FCGR1A: variants seen among roughly 807,000 people sequenced by gnomAD.
FCGR1A encodes the protein Fc gamma receptor Ia.
Under a neutral mutation model 35.0 loss-of-function variants are expected in FCGR1A, and 13 were observed. That is an observed-to-expected ratio of 0.37 (90% CI 0.24 to 0.59). The LOEUF is 0.59. FCGR1A is among the 20% of genes least tolerant of loss of function. The pLI is 0.71. For missense variants in FCGR1A, 227 were observed against 430.0 expected (o/e 0.53, Z 4.17); for synonymous variants, 91 against 164.7 (o/e 0.55, Z 3.43).
Position 149,790,203 on chromosome 1 carries a change from C to G in FCGR1A, c.709C>G (p.Arg237Gly), listed in dbSNP as rs782164774. Residue 237 changes from arginine (R) to glycine (G), a missense_variant, in exon 5 of 6, where the codon CGA becomes GGA. Physicochemically the swap from Arg to Gly is moderately radical, Grantham distance 125. Around this residue, in one of 3 missense-constraint regions of FCGR1A, gnomAD observed 185 missense variants for 306.6 expected, o/e 0.60. Transcript: ENST00000369168. ...FSFYMGSKTL[R>G]GRNTSSEYQI... ...CTTCTACATGGGCAGCAAGACCCTG[C>G]GAGGCAGGAACACATCCTCTGAATA... 1.9e-6 allele frequency: 3 copies of G among 1,613,730 alleles called. No individual in the cohort carries two copies. The highest frequency in any genetic ancestry group is 4.5e-5 in the East Asian group (2 of 44,884).
At chr1:149,799,480 A>G in the FCGR1A span, among the ~76,000 whole-genome samples, 1 of 152,024 alleles carries the variant, frequency 6.6e-6, no homozygotes, top group Non-Finnish European at 1.5e-5. Context: ...CCTGTGAAAT[A>G]TCCTCCTTTT....
Position 149,790,044 on chromosome 1 carries a change from T to G in FCGR1A, c.560-10T>G, listed in dbSNP as rs1226461928. On this transcript the variant is annotated splice_polypyrimidine_tract_variant and intron_variant, in intron 4 of 5. Transcript: ENST00000369168. Reference sequence around the variant, plus strand: ...CAGGCAACCTTGTCCCCCATCAACTTTCTCCTTAGAGCTATTTCCAGCTCC... The same window carrying G: ...CAGGCAACCTTGTCCCCCATCAACTGTCTCCTTAGAGCTATTTCCAGCTCC... 1.2e-6 allele frequency: 2 copies of G among 1,612,960 alleles called. No homozygotes were observed. The highest frequency in any genetic ancestry group is 1.7e-6 in the Non-Finnish European group (2 of 1,179,884).
chr1:149,784,741 A>T (rs2091496132), intron 3 of FCGR1A, among the ~76,000 whole-genome samples: 1 of 149,542 alleles, frequency 6.7e-6, no homozygotes. Flanking sequence ...TATAGTTTTA[A>T]AGCTGTGGGT....
downstream of FCGR1A, chr1:149,792,747 C>A (rs2091743288): frequency 7.8e-7 from 1 of 1,283,950 alleles, no homozygotes; most frequent in Non-Finnish European, 1.0e-6. Flanking sequence ...CCGCCAAAAC[C>A]CAGTGAGAAA....
downstream of FCGR1A, among the ~76,000 whole-genome samples, chr1:149,793,786 C>G (rs1227883172): frequency 2.6e-5 from 4 of 151,826 alleles, no homozygotes; most frequent in African/African-American, 9.7e-5. Flanking sequence ...GCCACAAGAG[C>G]TTCTGTAAGA....
At chr1:149,797,731 C>G in the FCGR1A span, among the ~76,000 whole-genome samples, 1,057 of 152,008 alleles carry the variant, frequency 7.0e-3, 11 homozygotes, top group African/African-American at 0.025. Context: ...CCTAGCAGTT[C>G]GAACTATAGG....
downstream of FCGR1A, chr1:149,792,837 A>G (rs1553752219): frequency 7.8e-7 from 1 of 1,276,644 alleles, no homozygotes; most frequent in Non-Finnish European, 1.0e-6. Context: ...AGGCGGATGG[A>G]AGAGAGCAAG....
rs1553751918 is a variant in FCGR1A, at chr1:149,791,497, G to A, written c.1105G>A (p.Glu369Lys). 1.9e-6 allele frequency: 3 copies of A among 1,609,644 alleles called. No individual in the cohort carries two copies. Among genetic ancestry groups the A allele is most frequent in the East Asian group, 4.5e-5 (2 of 44,774 alleles). ...EQLQEGVHRK[E>K]PQGAT is the part of the protein sequence containing the mutation. ...GCTGCAGGAAGGGGTGCACCGGAAG[G>A]AGCCCCAGGGGGCCACGTAGCAGCG... The change falls in exon 6 of 6, where the codon GAG becomes AAG. Residue 369 changes from glutamate (E) to lysine (K), a missense_variant. Transcript: ENST00000369168.
chr1:149,785,407 C>CCTTTTT (rs1553750700), intron 3 of FCGR1A, among the ~76,000 whole-genome samples: 1,084 of 74,370 alleles, frequency 0.015, 63 homozygotes, highest in Non-Finnish European at 0.025. Context: ...AGAGCTGTTT[C>CCTTTTT]GTTTTTTTTT....
the FCGR1A span, among the ~76,000 whole-genome samples, chr1:149,799,528 A>T: frequency 1.3e-5 from 2 of 152,058 alleles, no homozygotes; most frequent in Admixed American, 6.6e-5. Context: ...TGCATACTAC[A>T]CAATAGTAGG....
In FCGR1A at chr1:149,790,206, G is replaced by A. The variant is rs587746313; in HGVS notation, c.712G>A (p.Gly238Ser). 6.8e-6 allele frequency: 11 copies of A among 1,613,714 alleles called. No homozygotes were observed. Among genetic ancestry groups the A allele is most frequent in the South Asian group, 2.2e-5 (2 of 91,012 alleles). The change falls in exon 5 of 6, where the codon GGC becomes AGC. Residue 238 changes from glycine to serine, a missense_variant. Coordinates refer to ENST00000369168, the MANE Select transcript of FCGR1A (RefSeq NM_000566.4). ...SFYMGSKTLR[G>S]RNTSSEYQIL... Reference sequence around the variant, plus strand: ...CTACATGGGCAGCAAGACCCTGCGAGGCAGGAACACATCCTCTGAATACCA... The same window carrying A: ...CTACATGGGCAGCAAGACCCTGCGAAGCAGGAACACATCCTCTGAATACCA...
intron 4 of FCGR1A, 58 bp from the exon 5 acceptor site, chr1:149,789,996 G>T (rs587728006): frequency 3.1e-6 from 5 of 1,613,200 alleles, no homozygotes; most frequent in Non-Finnish European, 4.2e-6. Flanking sequence ...CATGTCTTTT[G>T]TGAAAAGGAC....
intron 3 of FCGR1A, among the ~76,000 whole-genome samples, chr1:149,785,336 T>A (rs1383319012): frequency 6.6e-6 from 1 of 151,036 alleles, no homozygotes; most frequent in Admixed American, 6.6e-5. Context: ...TTGATGTTCC[T>A]CATGTGTCCC....
intron 3 of FCGR1A, among the ~76,000 whole-genome samples, chr1:149,785,271 T>G (rs2091510653): frequency 6.6e-6 from 1 of 152,146 alleles, no homozygotes; most frequent in South Asian, 2.1e-4. Flanking sequence ...ACATGGTTGC[T>G]GTTAGAGGAA....
chr1:149,791,412 C>A lies in FCGR1A; in HGVS notation c.1020C>A (p.Ser340Arg). The stretch of plus-strand genomic sequence containing the variant: ...GTCATGAGAAGAAGGTAATTTCCAG[C>A]CTTCAAGAAGACAGACATTTAGAAG... ...DSGHEKKVIS[S>R]LQEDRHLEEE... Residue 340 changes from serine to arginine, a missense_variant, in exon 6 of 6, where the codon AGC (serine) becomes AGA (arginine). Physicochemically the swap from Ser to Arg is moderately radical, Grantham distance 110. This residue lies in a region of FCGR1A where 39 missense variants were observed against 101.3 expected (regional missense o/e 0.38). Transcript: ENST00000369168. 1 of 1,601,560 alleles carries A rather than the reference C, an allele frequency of 6.2e-7. No homozygotes were observed. The highest frequency in any genetic ancestry group is 8.5e-7 in the Non-Finnish European group (1 of 1,176,042).
chr1:149,785,324 G>T (rs1342501179), intron 3 of FCGR1A, among the ~76,000 whole-genome samples: 5 of 151,314 alleles, frequency 3.3e-5, no homozygotes, highest in African/African-American at 9.7e-5. Context: ...CTGAGGGAAG[G>T]CTTGATGTTC....
At chr1:149,786,251 T>A (rs587760192) in intron 3 of FCGR1A, 59 of 152,340 alleles carry the variant, frequency 3.9e-4, no homozygotes, top group African/African-American at 1.4e-3. Context: ...GTATCCTTTT[T>A]TGTAAGGTCT....
chr1:149,793,472 G>C (rs1278594160), downstream of FCGR1A, among the ~76,000 whole-genome samples: 1 of 152,176 alleles, frequency 6.6e-6, no homozygotes, highest in Admixed American at 6.5e-5. Flanking sequence ...TCCTATCACG[G>C]ATGAAAAGAT....
chr1:149,790,974 G>C (rs1219172834), intron 5 of FCGR1A, among the ~76,000 whole-genome samples: 1 of 151,502 alleles, frequency 6.6e-6, no homozygotes, highest in Non-Finnish European at 1.5e-5. Context: ...AAATGGCACA[G>C]AGATATCAGT....
Sources: gnomAD v4.1 joint callset for allele counts (sites outside exome capture counted in the v4.1 genomes callset) on GRCh38, gnomAD v4.1.1 for gene constraint, gnomAD v4.1.1 regional missense constraint, MANE v1.5 for transcripts, NCBI Gene and HGNC (gene_info 2026-07-23, HGNC 2026-07-21) for gene names.